VPS41: variants seen among roughly 807,000 people sequenced by gnomAD.
VPS41 encodes the protein vacuolar protein sorting-associated protein 41 homolog.
VPS41 carries 85 observed loss-of-function variants against 130.9 expected under a neutral mutation model. That is an observed-to-expected ratio of 0.65 (90% CI 0.55 to 0.78). The LOEUF is 0.78. VPS41 is among the 30% of genes least tolerant of loss of function. The pLI is 0.00. For synonymous variants in VPS41, 335 were observed against 332.9 expected (o/e 1.01, Z -0.07); for missense variants, 874 against 1,018.7 (o/e 0.86, Z 1.93).
intron 7 of VPS41, among the ~76,000 whole-genome samples, chr7:38,805,953 T>A (rs1271826342): frequency 6.6e-6 from 1 of 152,180 alleles, no homozygotes; most frequent in Non-Finnish European, 1.5e-5. Flanking sequence ...TGGACAGCCT[T>A]CATTGTCCTG....
intron 7 of VPS41, among the ~76,000 whole-genome samples, chr7:38,812,847 A>G (rs1784972097): frequency 6.6e-6 from 1 of 152,156 alleles, no homozygotes; most frequent in South Asian, 2.1e-4. Flanking sequence ...CACTTAACAC[A>G]TACCAGAGTG....
chr7:38,824,588 C>A (rs1429145126), intron 5 of VPS41, among the ~76,000 whole-genome samples: 1 of 152,012 alleles, frequency 6.6e-6, no homozygotes, highest in East Asian at 1.9e-4. Context: ...ATAGGATAAA[C>A]TGAAATTTGC....
intron 7 of VPS41, among the ~76,000 whole-genome samples, chr7:38,805,209 T>C (rs1295819449): frequency 6.6e-6 from 1 of 151,964 alleles, no homozygotes; most frequent in East Asian, 1.9e-4. Context: ...AAAACACGGG[T>C]TTATGTATTT....
chr7:38,815,931 T>C (rs1170257924), intron 7 of VPS41, among the ~76,000 whole-genome samples: 1 of 64,538 alleles, frequency 1.5e-5, no homozygotes, highest in Non-Finnish European at 3.5e-5. Context: ...CTACTATATA[T>C]ATATATATAT....
chr7:38,765,350 T>C (rs372848400), intron 16 of VPS41, among the ~76,000 whole-genome samples: 16 of 152,020 alleles, frequency 1.1e-4, no homozygotes, highest in Non-Finnish European at 1.8e-4. Context: ...ACAGAGAGAA[T>C]TGGAAAGAGA....
chr7:38,811,735 T>A (rs1338202720), intron 7 of VPS41, among the ~76,000 whole-genome samples: 2 of 151,882 alleles, frequency 1.3e-5, no homozygotes, highest in East Asian at 3.8e-4. Flanking sequence ...GTACTGGGAA[T>A]AAAAACAGGT....
Position 38,880,981 on chromosome 7 carries a change from CA to C in VPS41, c.61-11729del, listed in dbSNP as rs779712209. On this transcript the variant is annotated intron_variant, in intron 2 of 28. Transcript: ENST00000310301. ...CTCCTTGCTGGATGTATTTGACTTC[CA>C]AAACTCTGAAATGCGGCCTAATGAA... is the stretch of plus-strand genomic sequence containing the variant. Among the ~76,000 whole-genome samples, 3 of 152,252 alleles carry C rather than the reference CA, an allele frequency of 2.0e-5. 1 individual carries two copies. Among genetic ancestry groups the C allele is most frequent in the East Asian group, 1.9e-4 (1 of 5,180 alleles).
intron 2 of VPS41, among the ~76,000 whole-genome samples, chr7:38,875,864 A>G (rs551370345): frequency 3.9e-5 from 6 of 152,248 alleles, no homozygotes; most frequent in Non-Finnish European, 7.3e-5. Context: ...TAAGGAAAAA[A>G]TATATTAATT....
intron 6 of VPS41, among the ~76,000 whole-genome samples, 191 bp downstream of exon 6, chr7:38,821,012 T>C (rs1472210165): frequency 1.3e-5 from 2 of 152,120 alleles, no homozygotes; most frequent in Non-Finnish European, 2.9e-5. Flanking sequence ...GAAGACAGAC[T>C]GAGATCACAG....
chr7:38,725,187 A>G lies in VPS41; in HGVS notation c.*1059T>C, dbSNP rs1173771626. The G allele has an allele frequency of 6.6e-6, 1 of 152,192 alleles. No homozygotes were observed. Among genetic ancestry groups the G allele is most frequent in the South Asian group, 2.1e-4 (1 of 4,824 alleles). 9.4% of individuals were successfully genotyped at this position (152,192 alleles called of 1,614,324 possible). A position where few individuals can be genotyped will look rare whatever the true frequency, so the allele number is the denominator to read the frequency against. On this transcript the variant is annotated 3_prime_UTR_variant, in exon 29 of 29. Coordinates refer to ENST00000310301, the MANE Select transcript of VPS41 (RefSeq NM_014396.4). ...ATGGGACTAAGAGATCAGGAACAATAAGGATGTGTTTTGCGCACTTTTACA... is the reference window on the plus strand; with the variant it reads ...ATGGGACTAAGAGATCAGGAACAATGAGGATGTGTTTTGCGCACTTTTACA...
At chr7:38,883,333 T>C (rs376344833) in intron 2 of VPS41, among the ~76,000 whole-genome samples, 2 of 152,166 alleles carry the variant, frequency 1.3e-5, no homozygotes, top group East Asian at 3.9e-4. Context: ...TTGGACACCA[T>C]TTCCCACCAC....
intron 7 of VPS41, among the ~76,000 whole-genome samples, chr7:38,814,123 A>G (rs977699093): frequency 6.6e-6 from 1 of 152,158 alleles, no homozygotes. Flanking sequence ...TCATGGATCT[A>G]CTCAATGGAC....
chr7:38,740,872 A>G (rs555638052), intron 25 of VPS41, among the ~76,000 whole-genome samples: 19 of 152,154 alleles, frequency 1.2e-4, no homozygotes, highest in Non-Finnish European at 2.2e-4. Flanking sequence ...CAGTTTCTCT[A>G]CTAATTCTAC....
intron 7 of VPS41, among the ~76,000 whole-genome samples, chr7:38,814,451 C>T (rs1352470068): frequency 2.6e-5 from 4 of 152,238 alleles, no homozygotes; most frequent in East Asian, 1.9e-4. Flanking sequence ...GAGATCAAGA[C>T]CATCCTGGCT....
At chr7:38,878,131 G>C (rs1188030817) in intron 2 of VPS41, among the ~76,000 whole-genome samples, 1 of 152,114 alleles carries the variant, frequency 6.6e-6, no homozygotes, top group Non-Finnish European at 1.5e-5. Context: ...CAGGACCAAA[G>C]GACCTCTAAT....
intron 5 of VPS41, among the ~76,000 whole-genome samples, chr7:38,827,435 T>G (rs1785301653): frequency 6.6e-6 from 1 of 152,204 alleles, no homozygotes; most frequent in Non-Finnish European, 1.5e-5. Flanking sequence ...AAATAGTGCT[T>G]AATCATTCAC....
At chr7:38,792,648 C>T (rs962277439) in intron 9 of VPS41, among the ~76,000 whole-genome samples, 13 of 152,124 alleles carry the variant, frequency 8.5e-5, no homozygotes, top group South Asian at 6.2e-4. Flanking sequence ...GCCCCTTTGC[C>T]GTTTAGCTCC....
At chr7:38,902,659 G>C (rs1284308836) in intron 1 of VPS41, among the ~76,000 whole-genome samples, 3 of 152,250 alleles carry the variant, frequency 2.0e-5, no homozygotes, top group African/African-American at 7.2e-5. Context: ...CTGCCTGCCT[G>C]AGTTTGTGCT....
intron 11 of VPS41, among the ~76,000 whole-genome samples, chr7:38,776,109 C>T (rs1439265444): frequency 5.3e-5 from 8 of 152,126 alleles, no homozygotes; most frequent in African/African-American, 1.2e-4. Flanking sequence ...TCCAAAGACA[C>T]GCACAACAAA....
Sources: allele counts gnomAD v4.1 joint callset (sites outside exome capture counted in the v4.1 genomes callset), GRCh38; gene constraint gnomAD v4.1.1; transcripts MANE v1.5; gene names NCBI Gene and HGNC (gene_info 2026-07-23, HGNC 2026-07-21).